PCNX1: variants seen among roughly 807,000 people sequenced by gnomAD.
PCNX1 encodes the protein pecanex 1.
Under a neutral mutation model 242.2 loss-of-function variants are expected in PCNX1, and 78 were observed. The observed-to-expected ratio is 0.32, with a 90% CI of 0.27 to 0.39. The LOEUF is 0.39. Ranked by LOEUF, PCNX1 falls within the 10% of genes least tolerant of loss-of-function variation. The pLI is 1.00. For synonymous variants in PCNX1, 1,024 were observed against 1,032.9 expected, an observed-to-expected ratio of 0.99 and a Z score of 0.17; for missense variants, 2,581 against 2,856.5, an observed-to-expected ratio of 0.90 and a Z score of 2.20.
At chr14:70,994,685 T>A (rs769854210) in intron 7 of PCNX1, among the ~76,000 whole-genome samples, 2 of 151,550 alleles carry the variant, frequency 1.3e-5, no homozygotes, top group Non-Finnish European at 2.9e-5. Context: ...GATTGCAGAG[T>A]TGCATTGAAC....
chr14:70,960,511 G>A (rs1305879823), intron 2 of PCNX1, among the ~76,000 whole-genome samples: 14 of 150,538 alleles, frequency 9.3e-5, no homozygotes, highest in East Asian at 3.9e-4. Flanking sequence ...TCGATGGGAC[G>A]TATCTCAAAA....
At chr14:70,912,792 G>A (rs1239942672) in intron 1 of PCNX1, among the ~76,000 whole-genome samples, 1 of 152,152 alleles carries the variant, frequency 6.6e-6, no homozygotes. Flanking sequence ...AGTTTGTGCA[G>A]TTTTCCCACT....
intron 2 of PCNX1, among the ~76,000 whole-genome samples, chr14:70,960,905 C>A (rs2058186708): frequency 6.6e-6 from 1 of 152,120 alleles, no homozygotes; most frequent in Non-Finnish European, 1.5e-5. Context: ...TGAATGAACT[C>A]CCATTCACAA....
At chr14:71,020,875 A>G (rs1365128947) in intron 12 of PCNX1, among the ~76,000 whole-genome samples, 1 of 152,116 alleles carries the variant, frequency 6.6e-6, no homozygotes, top group Non-Finnish European at 1.5e-5. Flanking sequence ...GTTTTCTTCT[A>G]GGGTTTTTAT....
intron 11 of PCNX1, among the ~76,000 whole-genome samples, chr14:71,018,226 G>C (rs2060008943): frequency 6.6e-6 from 1 of 151,918 alleles, no homozygotes; most frequent in South Asian, 2.1e-4. Flanking sequence ...TGATTTAGAA[G>C]TATTTTAGGG....
At chr14:71,006,219 C>T (rs1595213687) in intron 8 of PCNX1, among the ~76,000 whole-genome samples, 1 of 151,300 alleles carries the variant, frequency 6.6e-6, no homozygotes, top group East Asian at 2.0e-4. Context: ...AACTCCTGGG[C>T]TCAAGCAGTC....
At chr14:71,045,553 A>G (rs1171798970) in intron 20 of PCNX1, among the ~76,000 whole-genome samples, 1 of 152,092 alleles carries the variant, frequency 6.6e-6, no homozygotes, top group African/African-American at 2.4e-5. Context: ...TCATTGATGA[A>G]TCCTCCTTTG....
intron 28 of PCNX1, among the ~76,000 whole-genome samples, chr14:71,083,277 C>T (rs918035232): frequency 5.9e-5 from 9 of 152,196 alleles, no homozygotes; most frequent in African/African-American, 1.9e-4. Flanking sequence ...CTCTGGCTGC[C>T]CTTAACATTT....
At chr14:71,051,643 C>A (rs1374156300) in intron 23 of PCNX1, among the ~76,000 whole-genome samples, 1 of 152,262 alleles carries the variant, frequency 6.6e-6, no homozygotes, top group South Asian at 2.1e-4. Context: ...TTACCAAATA[C>A]ATATTAGCAA....
At chr14:70,918,919 C>T (rs544081367) in intron 1 of PCNX1, among the ~76,000 whole-genome samples, 4 of 148,244 alleles carry the variant, frequency 2.7e-5, no homozygotes, top group East Asian at 2.0e-4. Flanking sequence ...TCTTTTTCAT[C>T]GCCCAGGCTG....
intron 30 of PCNX1, among the ~76,000 whole-genome samples, chr14:71,094,619 T>G (rs1021934507): frequency 1.3e-5 from 2 of 152,210 alleles, no homozygotes; most frequent in African/African-American, 2.4e-5. Context: ...TTACATGTGC[T>G]TACTTTTTGG....
At chr14:70,997,507 C>A (rs1179680013) in intron 8 of PCNX1, among the ~76,000 whole-genome samples, 1 of 152,148 alleles carries the variant, frequency 6.6e-6, no homozygotes, top group Non-Finnish European at 1.5e-5. Context: ...AAAATACTTA[C>A]ATATGAACTG....
At chr14:70,979,935 C>T (rs1451780281) in intron 6 of PCNX1, among the ~76,000 whole-genome samples, 4 of 149,928 alleles carry the variant, frequency 2.7e-5, no homozygotes, top group African/African-American at 7.3e-5. Flanking sequence ...TAAATTCCCT[C>T]GAGTCTTTGA....
chr14:71,082,672 C>T (rs181406364), intron 28 of PCNX1, among the ~76,000 whole-genome samples: 12 of 152,158 alleles, frequency 7.9e-5, no homozygotes, highest in Non-Finnish European at 1.5e-5. Context: ...ATTGCAACCC[C>T]TGCTTTTTTT....
At chr14:70,925,134 G>A (rs1004816534) in intron 1 of PCNX1, among the ~76,000 whole-genome samples, 1 of 151,870 alleles carries the variant, frequency 6.6e-6, no homozygotes, top group Non-Finnish European at 1.5e-5. Context: ...GATTACAGGC[G>A]TGCGCCACAA....
At chr14:70,965,947 G>A (rs1188413440) in intron 3 of PCNX1, among the ~76,000 whole-genome samples, 1 of 152,040 alleles carries the variant, frequency 6.6e-6, no homozygotes, top group Non-Finnish European at 1.5e-5. Flanking sequence ...AGTGTAAAAA[G>A]ATACTGTTTT....
intron 7 of PCNX1, among the ~76,000 whole-genome samples, chr14:70,994,400 T>TAGATAGATAGATAGATATAG (rs1286445755): frequency 1.3e-4 from 4 of 31,756 alleles, no homozygotes; most frequent in African/African-American, 4.2e-4. Context: ...GCTTAAGATA[T>TAGATAGATAGATAGATATAG]ATATATATAT....
intron 26 of PCNX1, among the ~76,000 whole-genome samples, chr14:71,064,319 G>A (rs1046931587): frequency 1.3e-5 from 2 of 152,000 alleles, no homozygotes; most frequent in African/African-American, 4.8e-5. Context: ...TATATTAGTA[G>A]GGCATATTGG....
intron 1 of PCNX1, among the ~76,000 whole-genome samples, 198 bp downstream of exon 1, chr14:70,908,201 C>G (rs569777999): frequency 9.3e-4 from 142 of 152,230 alleles, no homozygotes; most frequent in African/African-American, 3.3e-3. Flanking sequence ...ACACGAGCAA[C>G]GAGCCCACGG....
Sources: allele counts gnomAD v4.1 joint callset (sites outside exome capture counted in the v4.1 genomes callset), GRCh38; gene constraint gnomAD v4.1.1; transcripts MANE v1.5; gene names NCBI Gene and HGNC (gene_info 2026-07-23, HGNC 2026-07-21).